The following SLC25A25 variants were observed in gnomAD, a reference collection of about 807,000 sequenced individuals.
SLC25A25 encodes solute carrier family 25 member 25, also known as mitochondrial adenyl nucleotide antiporter SLC25A25.
SLC25A25 carries 32 observed loss-of-function variants against 57.7 expected under a neutral mutation model. The ratio of observed to expected loss-of-function variants is 0.55; its 90% confidence interval spans 0.42 to 0.74. The LOEUF (loss-of-function observed/expected upper bound fraction) is 0.74. SLC25A25 is among the 30% of genes least tolerant of loss of function. The pLI is 0.00. For synonymous variants in SLC25A25, 306 were observed against 291.2 expected, an observed-to-expected ratio of 1.05 and a Z score of -0.52; for missense variants, 556 against 701.3, an observed-to-expected ratio of 0.79 and a Z score of 2.34.
chr9:128,091,781 C>G, intron 1 of SLC25A25: 2 of 1,500,286 alleles, frequency 1.3e-6, no homozygotes. Flanking sequence ...CCCGTCCTCC[C>G]AGCAGCTGTG....
chr9:128,076,047 T>TTTTTA (rs71381725), intron 1 of SLC25A25, among the ~76,000 whole-genome samples: 22,948 of 151,534 alleles, frequency 0.15, 1,833 homozygotes, highest in South Asian at 0.26. Context: ...CCCAGCCAAC[T>TTTTTA]TTTTATTTTA....
intron 1 of SLC25A25, among the ~76,000 whole-genome samples, chr9:128,077,516 T>TAAAAAAAAAAAAAAAAAAAAAAAA (rs567869070): frequency 2.6e-4 from 26 of 100,242 alleles, no homozygotes; most frequent in Middle Eastern, 5.6e-3. Flanking sequence ...GACTCCGTCT[T>TAAAAAAAAAAAAAAAAAAAAAAAA]AAAAAAAAAA....
intron 1 of SLC25A25, chr9:128,098,772 T>C (rs1833658846): frequency 6.3e-7 from 1 of 1,599,682 alleles, no homozygotes; most frequent in South Asian, 1.1e-5. Flanking sequence ...TCAACCGGTA[T>C]TTGTTGAGTG....
At chr9:128,085,818 G>A (rs1025212003) in intron 1 of SLC25A25, among the ~76,000 whole-genome samples, 5 of 151,866 alleles carry the variant, frequency 3.3e-5, no homozygotes, top group African/African-American at 7.3e-5. Flanking sequence ...GACATATCAC[G>A]TGAATCATTT....
At chr9:128,106,630 C>T (rs1485047050) in intron 9 of SLC25A25, 110 bp downstream of exon 9, 17 of 1,303,510 alleles carry the variant, frequency 1.3e-5, no homozygotes, top group Middle Eastern at 2.8e-4. Flanking sequence ...TCAAAGACTG[C>T]GCCTCCTTCC....
rs1184007793 is a variant in SLC25A25 at position 128,099,820 on chromosome 9, G to A, written c.262-1276G>A. On this transcript the variant is annotated intron_variant, in intron 1 of 10. Coordinates refer to ENST00000373069, the MANE Select transcript of SLC25A25 (RefSeq NM_001330988.2). This position sits in a 1 kb window ranked among gnomAD's most constrained non-coding sequence, Gnocchi z 6.8. ...CGCGGTGGTGATCCTTTGAGGACGCGAGCTAGCCAGTGGGCCATCCATTTC... is the reference window on the plus strand; with the variant it reads ...CGCGGTGGTGATCCTTTGAGGACGCAAGCTAGCCAGTGGGCCATCCATTTC... 2.0e-5 allele frequency among the ~76,000 whole-genome samples: 3 copies of A among 152,132 alleles called. No individual in the cohort carries two copies. The highest frequency in any genetic ancestry group is 7.2e-5 in the African/African-American group (3 of 41,398).
intron 1 of SLC25A25, among the ~76,000 whole-genome samples, chr9:128,088,668 ATTG>A (rs902236616): frequency 3.3e-5 from 5 of 152,160 alleles, no homozygotes; most frequent in Admixed American, 1.3e-4. Flanking sequence ...GCTGGGAAAG[ATTG>A]TTTTCTATGT....
chr9:128,106,902 A>G (rs1180609020), intron 9 of SLC25A25, 127 bp from the exon 10 acceptor site: 14 of 1,156,190 alleles, frequency 1.2e-5, no homozygotes, highest in Non-Finnish European at 1.5e-5. Flanking sequence ...CAGCCAGGCT[A>G]GGAGCCCAGC....
chr9:128,099,205 C>T lies in SLC25A25; in HGVS notation c.262-1891C>T, dbSNP rs1308498802. On this transcript the variant is annotated intron_variant, in intron 1 of 10. Transcript: ENST00000373069. This position sits in a 1 kb window ranked among gnomAD's most constrained non-coding sequence, Gnocchi z 6.8. Reference sequence around the variant, plus strand: ...GTGTCTGCCCTGAAAGTGAGGAAGCCGAGCTGCAGAGTCCGGAGGCCCCTT... The same window carrying T: ...GTGTCTGCCCTGAAAGTGAGGAAGCTGAGCTGCAGAGTCCGGAGGCCCCTT... 11 of 1,276,708 alleles carry T rather than the reference C, an allele frequency of 8.6e-6. No homozygotes were observed. Among genetic ancestry groups the T allele is most frequent in the East Asian group, 5.9e-5 (1 of 17,028 alleles). 79.1% of individuals were successfully genotyped at this position (1,276,708 alleles called of 1,614,324 possible). A position where few individuals can be genotyped will look rare whatever the true frequency, so the allele number is the denominator to read the frequency against.
chr9:128,073,104 A>G (rs916836743), intron 1 of SLC25A25, among the ~76,000 whole-genome samples: 9 of 152,228 alleles, frequency 5.9e-5, no homozygotes, highest in African/African-American at 2.2e-4. Flanking sequence ...TAGGGAAGGA[A>G]CAATGGTTCA....
chr9:128,102,993 C>T lies in SLC25A25; in HGVS notation c.624+512C>T, dbSNP rs1320996962. Among the ~76,000 whole-genome samples the T allele has an allele frequency of 2.0e-5, 3 of 152,198 alleles. No homozygotes were observed. Among genetic ancestry groups the T allele is most frequent in the Non-Finnish European group, 4.4e-5 (3 of 68,038 alleles). On this transcript the variant is annotated intron_variant, in intron 5 of 10. Transcript: ENST00000373069. This position sits in a 1 kb window ranked among gnomAD's most constrained non-coding sequence, Gnocchi z 4.1. Reference sequence around the variant, plus strand: ...TCTGCCCCGAGCCCTTCATGCTTGGCGTGTCCCTCTCTGAGTCCTGGTGTG... The same window carrying T: ...TCTGCCCCGAGCCCTTCATGCTTGGTGTGTCCCTCTCTGAGTCCTGGTGTG...
rs144936572 is a variant in SLC25A25, at chr9:128,105,787, G to C, written c.842G>C (p.Arg281Pro). Residue 281 changes from arginine to proline, a missense_variant, in exon 7 of 11, where the codon CGA becomes CCA. Arg to Pro is a moderately radical substitution (Grantham distance 103). Coordinates refer to ENST00000373069, the MANE Select transcript of SLC25A25 (RefSeq NM_001330988.2). ...GTTGGTGGCTTCACTCAGATGATTC[G>C]AGAAGGAGGGGCCAGGTCACTCTGG... The part of the protein sequence containing the change: ...GIVGGFTQMI[R>P]EGGARSLWRG... 6.2e-7 allele frequency: 1 copy of C among 1,613,994 alleles called. No individual in the cohort carries two copies. The highest frequency in any genetic ancestry group is 8.5e-7 in the Non-Finnish European group (1 of 1,180,048).
rs774155897 is a variant in SLC25A25 at position 128,107,438 on chromosome 9, G to A, written c.1542G>A (p.Ser514=). 87 of 1,506,268 alleles carry A rather than the reference G, an allele frequency of 5.8e-5. No individual in the cohort carries two copies. Among genetic ancestry groups the A allele is most frequent in the Non-Finnish European group, 7.5e-5 (85 of 1,126,892 alleles). The allele number at this position is 1,506,268 out of a possible 1,614,324, so 93.3% of individuals were successfully genotyped here. Residue 514 remains serine, a synonymous_variant, in exon 11 of 11, where the codon TCG becomes TCA. Coordinates refer to ENST00000373069, the MANE Select transcript of SLC25A25 (RefSeq NM_001330988.2). The part of the protein sequence containing the change: ...ENLKITLGVQ[S]R Reference sequence around the variant, plus strand: ...TGAAGATCACCCTGGGCGTGCAGTCGCGGTGACGGGGGGAGGGCCGCCCGG... The same window carrying A: ...TGAAGATCACCCTGGGCGTGCAGTCACGGTGACGGGGGGAGGGCCGCCCGG...
intron 1 of SLC25A25, chr9:128,100,836 C>A (rs1447894489): frequency 2.1e-6 from 1 of 479,322 alleles, no homozygotes; most frequent in Admixed American, 3.6e-5. Context: ...TTCCCAGGCT[C>A]CTTGTTTCCT....
rs895392693 is a variant in SLC25A25, at chr9:128,107,674, G to C, written c.*230G>C. On this transcript the variant is annotated 3_prime_UTR_variant, in exon 11 of 11. Transcript: ENST00000373069. ...AGCGAAGACCACAGGCATTCCTTAG[G>C]GTCCAGGGTCAGCAGGCTCCGGGCT... The C allele has an allele frequency of 2.0e-4, 92 of 449,796 alleles. 1 individual carries two copies. The highest frequency in any genetic ancestry group is 1.6e-3 in the African/African-American group (80 of 50,416). 27.9% of individuals were successfully genotyped at this position (449,796 alleles called of 1,614,324 possible).
intron 1 of SLC25A25, among the ~76,000 whole-genome samples, chr9:128,072,064 T>A (rs2130781624): frequency 6.6e-6 from 1 of 152,334 alleles, no homozygotes; most frequent in African/African-American, 2.4e-5. Flanking sequence ...ATTCAGTTGT[T>A]ATACAGCTTT....
At chr9:128,106,552 T>G (rs1418420) in intron 9 of SLC25A25, 32 bp downstream of exon 9, 1 of 1,548,020 alleles carries the variant, frequency 6.5e-7, no homozygotes, top group Non-Finnish European at 8.7e-7. Context: ...TTTAGAAACC[T>G]CCTCCCAGCA....
At chr9:128,106,012 C>G (rs11792369) in intron 7 of SLC25A25, 131 bp downstream of exon 7, 248,698 of 1,520,498 alleles carry the variant, frequency 0.16, 21,407 homozygotes, top group South Asian at 0.27. Context: ...CAGGGCGAGG[C>G]AGGAGGCCCA....
chr9:128,091,627 C>A, intron 1 of SLC25A25: 1 of 1,180,246 alleles, frequency 8.5e-7, no homozygotes, highest in Non-Finnish European at 1.0e-6. Context: ...GAAGCTCCAG[C>A]TGCTTTCTCC....
Sources: allele counts gnomAD v4.1 joint callset (sites outside exome capture counted in the v4.1 genomes callset), GRCh38; gene constraint gnomAD v4.1.1; non-coding constraint Gnocchi (gnomAD v3.1); transcripts MANE v1.5; gene names NCBI Gene and HGNC (gene_info 2026-07-23, HGNC 2026-07-21).